The following TRAPPC9 variants were observed in gnomAD, a reference collection of about 807,000 sequenced individuals.
The protein encoded by TRAPPC9 is trafficking protein particle complex subunit 9.
A neutral mutation model predicts 124.0 loss-of-function variants in TRAPPC9; 83 were observed. The ratio of observed to expected loss-of-function variants is 0.67; its 90% CI spans 0.56 to 0.80. The LOEUF (loss-of-function observed/expected upper bound fraction) is 0.80. Among genes scored for constraint, TRAPPC9 ranks in the 30% least tolerant of loss-of-function variants. The pLI, the probability that TRAPPC9 is intolerant of heterozygous loss-of-function variation, is 0.00. For synonymous variants in TRAPPC9, 638 were observed against 617.5 expected, an observed-to-expected ratio of 1.03 and a Z score of -0.49; for missense variants, 1,302 against 1,508.3, an observed-to-expected ratio of 0.86 and a Z score of 2.27.
At chr8:140,394,772 CCA>C (rs2132367330) in intron 7 of TRAPPC9, among the ~76,000 whole-genome samples, 1 of 152,242 alleles carries the variant, frequency 6.6e-6, no homozygotes, top group South Asian at 2.1e-4. Context: ...ATGTTTACAC[CCA>C]GTCTCTCTGC....
intron 17 of TRAPPC9, among the ~76,000 whole-genome samples, chr8:140,068,574 T>C (rs569417159): frequency 3.9e-5 from 6 of 152,362 alleles, no homozygotes; most frequent in African/African-American, 1.4e-4. Flanking sequence ...AAATGAATGA[T>C]TCAAACTCAG....
chr8:140,344,970 G>A (rs186491815), intron 9 of TRAPPC9, among the ~76,000 whole-genome samples: 55 of 152,394 alleles, frequency 3.6e-4, no homozygotes, highest in African/African-American at 8.4e-4. Context: ...GGGGCCTGAC[G>A]GCGGGGAAGC....
At chr8:140,159,157 C>A (rs1224401433) in intron 17 of TRAPPC9, among the ~76,000 whole-genome samples, 1 of 152,214 alleles carries the variant, frequency 6.6e-6, no homozygotes, top group Non-Finnish European at 1.5e-5. Context: ...GCCAAGCCTG[C>A]AAGTCTCTTC....
chr8:140,251,241 GCAGGT>G (rs2064125548), intron 16 of TRAPPC9, among the ~76,000 whole-genome samples: 1 of 152,216 alleles, frequency 6.6e-6, no homozygotes, highest in South Asian at 2.1e-4. Flanking sequence ...TGTTCCAGGG[GCAGGT>G]GCTGGGCACC....
intron 17 of TRAPPC9, among the ~76,000 whole-genome samples, chr8:140,206,553 G>A (rs1313052886): frequency 6.6e-6 from 1 of 151,888 alleles, no homozygotes; most frequent in Admixed American, 6.6e-5. Flanking sequence ...TTCTGGCTAG[G>A]GGTGAGTCAC....
At chr8:139,932,050 C>T (rs1025493608) in intron 19 of TRAPPC9, 4 of 286,970 alleles carry the variant, frequency 1.4e-5, no homozygotes, top group African/African-American at 8.8e-5. Flanking sequence ...ATTACAAGAG[C>T]ACCTAAGAGC....
intron 1 of TRAPPC9, among the ~76,000 whole-genome samples, chr8:140,455,045 C>T (rs943095966): frequency 6.6e-6 from 1 of 152,110 alleles, no homozygotes; most frequent in African/African-American, 2.4e-5. Flanking sequence ...TTGGTAGTTC[C>T]TCCATAGAGC....
chr8:140,161,771 C>T (rs2061755515), intron 17 of TRAPPC9, among the ~76,000 whole-genome samples: 1 of 152,014 alleles, frequency 6.6e-6, no homozygotes, highest in Non-Finnish European at 1.5e-5. Flanking sequence ...GGCAATGGCT[C>T]AGCAACTAGA....
intron 20 of TRAPPC9, among the ~76,000 whole-genome samples, chr8:139,889,671 G>A (rs12679771): frequency 2.6e-5 from 4 of 152,086 alleles, no homozygotes; most frequent in African/African-American, 9.7e-5. Context: ...CAGGAAGGAG[G>A]CTATAATTAG....
chr8:140,043,154 G>T lies in TRAPPC9; in HGVS notation c.2557-19075C>A, dbSNP rs557704040. On this transcript the variant is annotated intron_variant, in intron 17 of 22. Coordinates refer to ENST00000438773, the MANE Select transcript of TRAPPC9 (RefSeq NM_001160372.4). ...CTAAACCCTCTGTTGGCTTCTATGT[G>T]CAGTAAGAAAGGCTGAATCCAGCAT... 3.9e-5 allele frequency among the ~76,000 whole-genome samples: 6 copies of T among 152,308 alleles called. No individual in the cohort carries two copies. In the East Asian group the frequency reaches 1.2e-3, roughly 29 times the overall value.
intron 21 of TRAPPC9, among the ~76,000 whole-genome samples, chr8:139,804,871 A>T (rs1192854383): frequency 6.6e-6 from 1 of 152,134 alleles, no homozygotes; most frequent in African/African-American, 2.4e-5. Context: ...ACTGAATCCC[A>T]TGAGGACCCC....
intron 20 of TRAPPC9, among the ~76,000 whole-genome samples, chr8:139,896,330 A>G (rs150843038): frequency 2.0e-5 from 3 of 152,280 alleles, no homozygotes; most frequent in African/African-American, 4.8e-5. Flanking sequence ...CATAATGATG[A>G]TGACAATAGT....
chr8:139,735,292 A>G (rs1818083663), intron 21 of TRAPPC9, among the ~76,000 whole-genome samples: 1 of 152,176 alleles, frequency 6.6e-6, no homozygotes. Context: ...TGCTGTGAGG[A>G]GCTCAGTCAC....
At chr8:139,900,260 T>G (rs562200750) in intron 20 of TRAPPC9, among the ~76,000 whole-genome samples, 1 of 152,336 alleles carries the variant, frequency 6.6e-6, no homozygotes, top group South Asian at 2.1e-4. Flanking sequence ...TTTGCTCTGC[T>G]TCCCCTGTGC....
chr8:140,438,200 T>C (rs1404223898), intron 3 of TRAPPC9, among the ~76,000 whole-genome samples: 2 of 152,188 alleles, frequency 1.3e-5, no homozygotes, highest in African/African-American at 4.8e-5. Flanking sequence ...AGTTGTCTAC[T>C]TTCTGCTTCT....
chr8:140,029,636 T>C (rs963975789), intron 17 of TRAPPC9, among the ~76,000 whole-genome samples: 1 of 120,320 alleles, frequency 8.3e-6, no homozygotes, highest in Non-Finnish European at 2.0e-5. Context: ...AATAATAAAA[T>C]TAAAAATATA....
intron 9 of TRAPPC9, among the ~76,000 whole-genome samples, chr8:140,316,292 T>A (rs1053257163): frequency 3.3e-5 from 5 of 152,314 alleles, no homozygotes; most frequent in South Asian, 2.1e-4. Context: ...CCTTTGTTTT[T>A]TCAGAGTCAA....
chr8:139,930,926 G>A (rs1007053244), intron 19 of TRAPPC9, among the ~76,000 whole-genome samples: 1 of 152,182 alleles, frequency 6.6e-6, no homozygotes. Context: ...CTCTGCACTC[G>A]GTGGTGCCCC....
At position 139,916,074 on chromosome 8, in the gene TRAPPC9, G is replaced by A. The variant is rs942339494; in HGVS notation, c.2811-5774C>T. Among the ~76,000 whole-genome samples, 5 of 152,154 alleles carry A rather than the reference G, an allele frequency of 3.3e-5. No individual in the cohort carries two copies. In the East Asian group the frequency reaches 9.6e-4, roughly 29 times the overall value. ...CAGGGGAGCTTATATTTAGGTCAGTGCAATTACTTTTGTACAGGCCTATAA... is the reference window on the plus strand; with the variant it reads ...CAGGGGAGCTTATATTTAGGTCAGTACAATTACTTTTGTACAGGCCTATAA... On this transcript the variant is annotated intron_variant, in intron 19 of 22. Transcript: ENST00000438773.
Sources: allele counts gnomAD v4.1 joint callset (sites outside exome capture counted in the v4.1 genomes callset), GRCh38; gene constraint gnomAD v4.1.1; transcripts MANE v1.5; gene names NCBI Gene and HGNC (gene_info 2026-07-23, HGNC 2026-07-21).